Variants in MALRD1 observed in about 807,000 individuals in gnomAD.
The protein encoded by MALRD1 is MAM and LDL receptor class A domain containing 1.
In MALRD1, 247 loss-of-function variants were observed where a neutral mutation model predicts 242.1. The observed-to-expected ratio is 1.02, with a 90% CI of 0.92 to 1.13. The LOEUF (loss-of-function observed/expected upper bound fraction) is 1.13. Ranked by LOEUF, MALRD1 falls within the 50% of genes most tolerant of loss-of-function variation. The pLI, the probability that MALRD1 is intolerant of heterozygous loss-of-function variation, is 0.00. For missense variants in MALRD1, 2,989 were observed against 2,533.1 expected (o/e 1.18, Z -3.86); for synonymous variants, 995 against 866.6 (o/e 1.15, Z -2.60).
intron 24 of MALRD1, among the ~76,000 whole-genome samples, chr10:19,338,801 A>G (rs1031462898): frequency 6.6e-6 from 1 of 151,720 alleles, no homozygotes; most frequent in African/African-American, 2.4e-5. Flanking sequence ...GATATTATTG[A>G]TTATAGTCAC....
At position 19,526,016 on chromosome 10, in the gene MALRD1, G is replaced by A. The variant is rs567255595; in HGVS notation, c.5321-5178G>A. Among the ~76,000 whole-genome samples the A allele has an allele frequency of 1.3e-3, 199 of 152,170 alleles. 1 individual carries two copies. The highest frequency in any genetic ancestry group is 2.1e-3 in the Non-Finnish European group (142 of 67,990). On this transcript the variant is annotated intron_variant, in intron 31 of 39. Coordinates refer to ENST00000454679, the MANE Select transcript of MALRD1 (RefSeq NM_001142308.3). ...TATAAATAAAGCGAGTTGGTTTAAT[G>A]ATTTACCATTAAATTCTAAATATGC...
At chr10:19,262,751 C>T (rs1289325834) in intron 19 of MALRD1, among the ~76,000 whole-genome samples, 3 of 151,774 alleles carry the variant, frequency 2.0e-5, no homozygotes, top group East Asian at 1.9e-4. Flanking sequence ...ACTTATTCTT[C>T]GGATAACTGA....
chr10:19,467,882 C>T (rs1428140082), intron 29 of MALRD1, among the ~76,000 whole-genome samples: 3 of 151,894 alleles, frequency 2.0e-5, no homozygotes, highest in East Asian at 1.9e-4. Context: ...CAACCTCTGC[C>T]TCTTGGGTTC....
At chr10:19,547,047 G>C (rs1286646802) in intron 32 of MALRD1, among the ~76,000 whole-genome samples, 1 of 152,256 alleles carries the variant, frequency 6.6e-6, no homozygotes, top group South Asian at 2.1e-4. Context: ...GCATTCTGAA[G>C]GTGGTCTGTG....
chr10:19,158,531 T>C (rs1346841027), intron 12 of MALRD1, among the ~76,000 whole-genome samples: 2 of 152,202 alleles, frequency 1.3e-5, no homozygotes, highest in Non-Finnish European at 2.9e-5. Flanking sequence ...GTGGTTCAGA[T>C]TCAAGGAAGT....
At chr10:19,264,045 C>CTAA (rs1248550664) in intron 19 of MALRD1, among the ~76,000 whole-genome samples, 1 of 152,136 alleles carries the variant, frequency 6.6e-6, no homozygotes, top group Non-Finnish European at 1.5e-5. Context: ...TTCGCTTTTA[C>CTAA]CCACATCCTC....
intron 26 of MALRD1, among the ~76,000 whole-genome samples, chr10:19,364,925 T>C (rs182088678): frequency 1.3e-5 from 2 of 152,246 alleles, no homozygotes; most frequent in East Asian, 3.9e-4. Context: ...GGAAAGAATA[T>C]TGGGGATTAG....
chr10:19,234,880 T>G (rs1838239956), intron 18 of MALRD1, among the ~76,000 whole-genome samples: 1 of 152,140 alleles, frequency 6.6e-6, no homozygotes, highest in South Asian at 2.1e-4. Flanking sequence ...GGTGTTGTTT[T>G]GCTTAGGTTT....
At chr10:19,148,456 G>T (rs1833803549) in intron 11 of MALRD1, among the ~76,000 whole-genome samples, 1 of 151,966 alleles carries the variant, frequency 6.6e-6, no homozygotes, top group Admixed American at 6.6e-5. Context: ...CATGTAGTAA[G>T]ATCTCCATAA....
chr10:19,228,968 G>C (rs3814611), intron 18 of MALRD1, among the ~76,000 whole-genome samples: 30,196 of 136,652 alleles, frequency 0.22, 3,224 homozygotes, highest in East Asian at 0.4. Context: ...AGGCCTGTAT[G>C]GGGAATGCAT....
chr10:19,414,056 AAAG>A (rs1833402041), intron 28 of MALRD1, among the ~76,000 whole-genome samples: 1 of 152,172 alleles, frequency 6.6e-6, no homozygotes. Flanking sequence ...ACAAAAAAAA[AAAG>A]TTCAATTTCC....
chr10:19,238,854 G>T (rs1334059893), intron 18 of MALRD1, among the ~76,000 whole-genome samples: 1 of 151,108 alleles, frequency 6.6e-6, no homozygotes, highest in African/African-American at 2.4e-5. Context: ...GTGTGTAAGT[G>T]TTCCCTTTTC....
At chr10:19,210,599 ACTT>A (rs1242129458) in intron 18 of MALRD1, among the ~76,000 whole-genome samples, 1 of 152,226 alleles carries the variant, frequency 6.6e-6, no homozygotes, top group Non-Finnish European at 1.5e-5. Context: ...CATGTACTCA[ACTT>A]CTTTAGTTAC....
intron 31 of MALRD1, 115 bp downstream of exon 31, chr10:19,498,761 T>G: frequency 1.6e-6 from 2 of 1,249,566 alleles, no homozygotes; most frequent in South Asian, 3.3e-5. Context: ...CAGAGCTCAG[T>G]AGGTTTTATG....
chr10:19,364,505 G>A (rs549801992), intron 26 of MALRD1, among the ~76,000 whole-genome samples: 3 of 152,068 alleles, frequency 2.0e-5, no homozygotes, highest in African/African-American at 4.8e-5. Context: ...TGAAATATAA[G>A]GCAAGTTTGA....
chr10:19,309,602 C>T (rs1303817084), intron 21 of MALRD1, among the ~76,000 whole-genome samples: 2 of 151,462 alleles, frequency 1.3e-5, no homozygotes, highest in Admixed American at 1.3e-4. Context: ...ACTGTGTGAA[C>T]AGGTGAAAAG....
At chr10:19,194,249 A>G (rs1014061446) in intron 14 of MALRD1, among the ~76,000 whole-genome samples, 1 of 152,174 alleles carries the variant, frequency 6.6e-6, no homozygotes, top group Non-Finnish European at 1.5e-5. Flanking sequence ...ACATAAAGAA[A>G]ATAAACGTAG....
At chr10:19,559,578 G>A (rs10764064) in intron 32 of MALRD1, among the ~76,000 whole-genome samples, 111,776 of 151,952 alleles carry the variant, frequency 0.74, 42,057 homozygotes, top group East Asian at 0.89. Flanking sequence ...GAATCCACCT[G>A]GTCAAAGACT....
At chr10:19,361,455 T>G (rs901945869) in intron 26 of MALRD1, among the ~76,000 whole-genome samples, 1 of 152,140 alleles carries the variant, frequency 6.6e-6, no homozygotes, top group Non-Finnish European at 1.5e-5. Flanking sequence ...GCTCATATTG[T>G]TCTGTGAAAA....
Sources: gnomAD v4.1 joint callset for allele counts (sites outside exome capture counted in the v4.1 genomes callset) on GRCh38, gnomAD v4.1.1 for gene constraint, MANE v1.5 for transcripts, NCBI Gene and HGNC (gene_info 2026-07-23, HGNC 2026-07-21) for gene names.